The following COL20A1 variants were observed in gnomAD, a reference collection of about 807,000 sequenced individuals.
The protein encoded by COL20A1 is collagen alpha-1(XX) chain.
Under a neutral mutation model 152.9 loss-of-function variants are expected in COL20A1, and 164 were observed. The ratio of observed to expected loss-of-function variants is 1.07; its 90% CI spans 0.94 to 1.22. The LOEUF is 1.22. Ranked by LOEUF, COL20A1 falls within the 50% of genes most tolerant of loss-of-function variation. The pLI is 0.00. For missense variants in COL20A1, 1,873 were observed against 1,744.8 expected (o/e 1.07, Z -1.31); for synonymous variants, 864 against 756.0 (o/e 1.14, Z -2.34).
At position 63,319,188 on chromosome 20, in the gene COL20A1, G is replaced by A; in HGVS notation, c.2794G>A (p.Val932Ile). Reference sequence around the variant, plus strand: ...CGAGGACTTCCAGCCCCTCCTTGGGGTTCTGCTGGATGGTGACGTGGGCCC... The same window carrying A: ...CGAGGACTTCCAGCCCCTCCTTGGGATTCTGCTGGATGGTGACGTGGGCCC... The part of the protein sequence containing the change: ...TAEDFQPLLG[V>I]LLDAGKKSLT... The change falls in exon 22 of 36, where the codon GTT (valine) becomes ATT (isoleucine). Residue 932 changes from valine to isoleucine, a missense_variant. By Grantham distance (29) the Val-to-Ile change is conservative. Transcript: ENST00000358894. This position sits in a 1 kb window ranked among gnomAD's most constrained non-coding sequence, Gnocchi z 4.4. The A allele has an allele frequency of 6.2e-7, 1 of 1,612,536 alleles. No individual in the cohort carries two copies. Among genetic ancestry groups the A allele is most frequent in the Non-Finnish European group, 8.5e-7 (1 of 1,179,606 alleles).
At position 63,313,751 on chromosome 20, in the gene COL20A1, A is replaced by G. The variant is rs1182848315; in HGVS notation, c.2218A>G (p.Ser740Gly). 1 of 1,593,888 alleles carries G rather than the reference A, an allele frequency of 6.3e-7. No individual in the cohort carries two copies. Among genetic ancestry groups the G allele is most frequent in the Admixed American group, 1.8e-5 (1 of 56,408 alleles). ...CCCATGCTCTCGGCCAGCCACGGTG[A>G]GCAGGAGCCCACCCTCCAACCTGGC... ...VSLRYTPSTV[S>G]RSPPSNLALA... Residue 740 changes from serine (S) to glycine (G), a missense_variant, in exon 18 of 36, where the codon AGC (serine) becomes GGC (glycine). Ser to Gly is a moderately conservative substitution (Grantham distance 56). Coordinates refer to ENST00000358894, the MANE Select transcript of COL20A1 (RefSeq NM_020882.4). The surrounding 1 kb of genome is among the most constrained non-coding windows in gnomAD (Gnocchi z 5.9).
chr20:63,314,365 A>T (rs1315243131), intron 19 of COL20A1, among the ~76,000 whole-genome samples, 164 bp downstream of exon 19: 1 of 152,038 alleles, frequency 6.6e-6, no homozygotes, highest in African/African-American at 2.4e-5. Flanking sequence ...GTGGCTGGAG[A>T]TGACTGGTTC....
rs6011728 is a variant in COL20A1, at chr20:63,311,121, G to T, written c.1394-273G>T. 1.3e-5 allele frequency among the ~76,000 whole-genome samples: 2 copies of T among 152,132 alleles called. No individual in the cohort carries two copies. The highest frequency in any genetic ancestry group is 2.1e-4 in the South Asian group (1 of 4,822). ...ACACAGTGCAGACTTTTGTGTCTGG[G>T]TGTTTCCCAAAGCCCTTTTCACCCC... is the stretch of plus-strand genomic sequence containing the variant. On this transcript the variant is annotated intron_variant, in intron 11 of 35. Coordinates refer to ENST00000358894, the MANE Select transcript of COL20A1 (RefSeq NM_020882.4). The surrounding 1 kb of genome is among the most constrained non-coding windows in gnomAD (Gnocchi z 4.4).
rs747847135 is a variant in COL20A1, at chr20:63,305,374, C to T, written c.194-43C>T. 2.2e-5 allele frequency: 31 copies of T among 1,413,898 alleles called. No individual in the cohort carries two copies. Among genetic ancestry groups the T allele is most frequent in the East Asian group, 1.9e-4 (7 of 36,646 alleles). The allele number at this position is 1,413,898 out of a possible 1,614,324, so 87.6% of individuals were successfully genotyped here. Reference sequence around the variant, plus strand: ...CTCCCCGCCGTGACAGATGCACACACGTGTGCACCTTGGCCTCTAAAGCTC... The same window carrying T: ...CTCCCCGCCGTGACAGATGCACACATGTGTGCACCTTGGCCTCTAAAGCTC... On this transcript the variant is annotated intron_variant, in intron 3 of 35. Coordinates refer to ENST00000358894, the MANE Select transcript of COL20A1 (RefSeq NM_020882.4). The surrounding 1 kb of genome is among the most constrained non-coding windows in gnomAD (Gnocchi z 4.9).
chr20:63,293,786 T>G (rs1374230969), intron 1 of COL20A1, among the ~76,000 whole-genome samples: 2 of 151,114 alleles, frequency 1.3e-5, no homozygotes. Flanking sequence ...ATCCCTGATT[T>G]AAGCCGGTGG....
At position 63,320,284 on chromosome 20, in the gene COL20A1, G is replaced by A. The variant is rs200632546; in HGVS notation, c.3076-7G>A. ...CCCGGGGCTGAGCCGGCTCCCCTGC[G>A]TTGCAGTTTCAGCTCCAGATGCTGC... is the stretch of plus-strand genomic sequence containing the variant. On this transcript the variant is annotated splice_polypyrimidine_tract_variant and splice_region_variant and intron_variant, in intron 24 of 35. Transcript: ENST00000358894. 4.7e-4 allele frequency: 763 copies of A among 1,609,358 alleles called. 4 individuals are homozygous for A. Among genetic ancestry groups the A allele is most frequent in the South Asian group, 2.3e-3 (205 of 91,074 alleles).
At chr20:63,320,259 C>T (rs1446709918) in intron 24 of COL20A1, 32 bp from the exon 25 acceptor site, 2 of 1,606,634 alleles carry the variant, frequency 1.2e-6, no homozygotes, top group Non-Finnish European at 1.7e-6. Context: ...CTCTCTGAGC[C>T]CCGGGGCTGA....
At position 63,332,489 on chromosome 20, in the gene COL20A1, G is replaced by A. The variant is rs943118886; in HGVS notation, c.*1773G>A. The A allele has an allele frequency of 6.6e-6, 1 of 152,288 alleles. No individual in the cohort carries two copies. Among genetic ancestry groups the A allele is most frequent in the Non-Finnish European group, 1.5e-5 (1 of 68,110 alleles). 9.4% of individuals were successfully genotyped at this position (152,288 alleles called of 1,614,324 possible). ...AGGCTTTGTCATGAGGCAGGAGTGG[G>A]GCTAGAATCAAGCCCAGAGCCCACA... is the stretch of plus-strand genomic sequence containing the variant. On this transcript the variant is annotated 3_prime_UTR_variant, in exon 36 of 36. Coordinates refer to ENST00000358894, the MANE Select transcript of COL20A1 (RefSeq NM_020882.4).
Position 63,319,409 on chromosome 20 carries a change from C to T in COL20A1, c.2807-78C>T, listed in dbSNP as rs760230751. The stretch of plus-strand genomic sequence containing the variant: ...ACCCTCAGGGCTGCTCCTGTCCTGT[C>T]GTGGGGGCCGCCCTGCTCAAGGTAT... On this transcript the variant is annotated intron_variant, in intron 22 of 35. Coordinates refer to ENST00000358894, the MANE Select transcript of COL20A1 (RefSeq NM_020882.4). This position sits in a 1 kb window ranked among gnomAD's most constrained non-coding sequence, Gnocchi z 4.4. 246 of 1,212,882 alleles carry T rather than the reference C, an allele frequency of 2.0e-4. No individual in the cohort carries two copies. The highest frequency in any genetic ancestry group is 2.4e-4 in the Non-Finnish European group (208 of 856,508). The allele number at this position is 1,212,882 out of a possible 1,614,324, so 75.1% of individuals were successfully genotyped here.
rs2068010939 is a variant in COL20A1, at chr20:63,311,813, A to G, written c.1663+65A>G. 7.2e-6 allele frequency: 11 copies of G among 1,536,380 alleles called. No homozygotes were observed. In the South Asian group the frequency reaches 8.4e-5, roughly 12 times the overall value. On this transcript the variant is annotated intron_variant, in intron 13 of 35. Transcript: ENST00000358894. This position sits in a 1 kb window ranked among gnomAD's most constrained non-coding sequence, Gnocchi z 4.4. ...GCCCCATCTTGTTCCTCAGCCTTCC[A>G]TGGCATGGGAGACCTCAGGCCCCCT...
In COL20A1 at chr20:63,320,092, G is replaced by C. The variant is rs763108092; in HGVS notation, c.2970G>C (p.Lys990Asn). 9 of 1,554,886 alleles carry C rather than the reference G, an allele frequency of 5.8e-6. No homozygotes were observed. The highest frequency in any genetic ancestry group is 6.1e-6 in the Non-Finnish European group (7 of 1,150,090). ...SKVRLYVDCR[K>N]VAERPLGEMG... The stretch of plus-strand genomic sequence containing the variant: ...TCAGGCTCTATGTGGACTGCCGGAA[G>C]GTGGCTGAGCGGCCCCTTGGGGAGA... The change falls in exon 24 of 36, where the codon AAG (lysine) becomes AAC (asparagine). Residue 990 changes from lysine (K) to asparagine (N), a missense_variant. Coordinates refer to ENST00000358894, the MANE Select transcript of COL20A1 (RefSeq NM_020882.4).
Position 63,306,942 on chromosome 20 carries a change from T to C in COL20A1, c.497-548T>C, listed in dbSNP as rs1235534909. Among the ~76,000 whole-genome samples the C allele has an allele frequency of 6.6e-6, 1 of 152,178 alleles. No homozygotes were observed. Among genetic ancestry groups the C allele is most frequent in the Non-Finnish European group, 1.5e-5 (1 of 67,998 alleles). On this transcript the variant is annotated intron_variant, in intron 5 of 35. Coordinates refer to ENST00000358894, the MANE Select transcript of COL20A1 (RefSeq NM_020882.4). This position sits in a 1 kb window ranked among gnomAD's most constrained non-coding sequence, Gnocchi z 6.9. ...TCCCCCAGGGGAGTGTCCCCACCCA[T>C]GCAGGCCTCAGGGCAGCTGGGCCTC...
In COL20A1 at chr20:63,305,662, A is replaced by G; in HGVS notation, c.337+102A>G. On this transcript the variant is annotated intron_variant, in intron 4 of 35. Coordinates refer to ENST00000358894, the MANE Select transcript of COL20A1 (RefSeq NM_020882.4). The surrounding 1 kb of genome is among the most constrained non-coding windows in gnomAD (Gnocchi z 4.9). ...CTCCTCCAGGCTGCGTTCCAGCCCCAGGGGTGGGTATGTGTGAAGCAGTTC... is the reference window on the plus strand; with the variant it reads ...CTCCTCCAGGCTGCGTTCCAGCCCCGGGGGTGGGTATGTGTGAAGCAGTTC... 1 of 1,333,072 alleles carries G rather than the reference A, an allele frequency of 7.5e-7. No individual in the cohort carries two copies. The highest frequency in any genetic ancestry group is 1.0e-6 in the Non-Finnish European group (1 of 984,956). 82.6% of individuals were successfully genotyped at this position (1,333,072 alleles called of 1,614,324 possible). A position where few individuals can be genotyped will look rare whatever the true frequency, so the allele number is the denominator to read the frequency against.
intron 34 of COL20A1, chr20:63,329,376 C>G: frequency 1.7e-6 from 1 of 575,568 alleles, no homozygotes; most frequent in Non-Finnish European, 3.1e-6. Context: ...CCTGGCCATG[C>G]CCCCCCAGAA....
At chr20:63,309,299 T>G in intron 8 of COL20A1, 34 bp from the exon 9 acceptor site, 1 of 1,418,570 alleles carries the variant, frequency 7.0e-7, no homozygotes, top group East Asian at 2.7e-5. Flanking sequence ...GTGACCCCAG[T>G]GCAGGCCAAC....
At chr20:63,323,029 C>T (rs2068188851) in intron 27 of COL20A1, among the ~76,000 whole-genome samples, 1 of 152,228 alleles carries the variant, frequency 6.6e-6, no homozygotes, top group Admixed American at 6.5e-5. Context: ...CAGAGCCGTG[C>T]GAGGCGCTCC....
Position 63,306,109 on chromosome 20 carries a change from A to T in COL20A1, c.496+70A>T, listed in dbSNP as rs1262738371. The T allele has an allele frequency of 7.2e-7, 1 of 1,396,084 alleles. No homozygotes were observed. Among genetic ancestry groups the T allele is most frequent in the South Asian group, 1.4e-5 (1 of 72,336 alleles). The allele number at this position is 1,396,084 out of a possible 1,614,324, so 86.5% of individuals were successfully genotyped here. A position where few individuals can be genotyped will look rare whatever the true frequency, so the allele number is the denominator to read the frequency against. On this transcript the variant is annotated intron_variant, in intron 5 of 35. Coordinates refer to ENST00000358894, the MANE Select transcript of COL20A1 (RefSeq NM_020882.4). The surrounding 1 kb of genome is among the most constrained non-coding windows in gnomAD (Gnocchi z 6.9). ...CCTTTGGTTTCCCACATTTCCCACC[A>T]TGAGGCCAGGAAGTTCTTCCTCGTG...
chr20:63,325,246 C>T lies in COL20A1; in HGVS notation c.3295-195C>T, dbSNP rs938138327. The T allele has an allele frequency of 1.4e-5, 10 of 703,004 alleles. No homozygotes were observed. The African/African-American group carries it at 1.8e-4, about 12-fold the overall frequency. The allele number at this position is 703,004 out of a possible 1,614,324, so 43.5% of individuals were successfully genotyped here. Reference sequence around the variant, plus strand: ...GTGGCAAGCGTGACCTTGTCAGGCCCTACCCGCTGCCTGTGTCTCCAGGGA... The same window carrying T: ...GTGGCAAGCGTGACCTTGTCAGGCCTTACCCGCTGCCTGTGTCTCCAGGGA... On this transcript the variant is annotated intron_variant, in intron 27 of 35. Coordinates refer to ENST00000358894, the MANE Select transcript of COL20A1 (RefSeq NM_020882.4).
chr20:63,321,073 G>T lies in COL20A1; in HGVS notation c.3214G>T (p.Gly1072Trp). The T allele has an allele frequency of 6.2e-7, 1 of 1,601,334 alleles. No homozygotes were observed. Among genetic ancestry groups the T allele is most frequent in the African/African-American group, 1.3e-5 (1 of 74,734 alleles). Residue 1072 changes from glycine to tryptophan, a missense_variant, in exon 26 of 36, where the codon GGG (glycine) becomes TGG (tryptophan). Physicochemically the swap from Gly to Trp is radical, Grantham distance 184. Coordinates refer to ENST00000358894, the MANE Select transcript of COL20A1 (RefSeq NM_020882.4). ...CTGTTCCTGTTCCTCAGAGACCCCT[G>T]GGCCCCCAGGACCTCAAGGACCCCC... ...SACSCSSETP[G>W]PPGPQGPPGL...
Sources: gnomAD v4.1 joint callset for allele counts (sites outside exome capture counted in the v4.1 genomes callset) on GRCh38, gnomAD v4.1.1 for gene constraint, Gnocchi (gnomAD v3.1) non-coding constraint, MANE v1.5 for transcripts, NCBI Gene and HGNC (gene_info 2026-07-23, HGNC 2026-07-21) for gene names.